ABR: variants seen among roughly 807,000 people sequenced by gnomAD.
ABR encodes ABR activator of RhoGEF and GTPase, also known as active breakpoint cluster region-related protein.
A neutral mutation model predicts 107.2 loss-of-function variants in ABR; 35 were observed. The observed-to-expected ratio is 0.33, with a 90% CI of 0.25 to 0.43. The LOEUF (loss-of-function observed/expected upper bound fraction) is 0.43. Ranked by LOEUF, ABR falls within the 20% of genes least tolerant of loss-of-function variation. ABR has a pLI of 1.00. For synonymous variants in ABR, 498 were observed against 462.0 expected (o/e 1.08, Z -1.00); for missense variants, 815 against 1,115.2 (o/e 0.73, Z 3.83).
intron 4 of ABR, among the ~76,000 whole-genome samples, chr17:1,087,281 T>A (rs1322046478): frequency 6.6e-6 from 1 of 152,118 alleles, no homozygotes; most frequent in Non-Finnish European, 1.5e-5. Context: ...AGGATCCTCA[T>A]GCTCCCCAAG....
chr17:1,135,215 G>C (rs2040006133), intron 1 of ABR, among the ~76,000 whole-genome samples: 1 of 152,176 alleles, frequency 6.6e-6, no homozygotes, highest in African/African-American at 2.4e-5. Flanking sequence ...CCGTGCTGGA[G>C]AGGAGGCAGG....
chr17:1,151,525 C>T (rs1248317476), intron 1 of ABR, among the ~76,000 whole-genome samples: 1 of 152,132 alleles, frequency 6.6e-6, no homozygotes, highest in African/African-American at 2.4e-5. Flanking sequence ...CAAAGGGCCT[C>T]GGTCAGCCAC....
upstream of ABR, among the ~76,000 whole-genome samples, chr17:1,188,546 T>G (rs2042364021): frequency 1.5e-5 from 1 of 66,558 alleles, no homozygotes; most frequent in Non-Finnish European, 3.9e-5. Flanking sequence ...GGAGACTCCG[T>G]CTCAAAAAAA....
rs2037802549 is a variant in ABR, at chr17:1,100,667, G to T, written c.315C>A (p.Ile105=). ...ACAGGGCTTCCAGCTGGTTAATGTAGATCTCTTCGCTGGCCAAGAACCCCG... is the reference window on the plus strand; with the variant it reads ...ACAGGGCTTCCAGCTGGTTAATGTATATCTCTTCGCTGGCCAAGAACCCCG... ...VLSGFLASEE[I]YINQLEALLL... Residue 105 remains isoleucine, a synonymous_variant, in exon 3 of 23, where the codon ATC becomes ATA. Coordinates refer to ENST00000302538, the MANE Select transcript of ABR (RefSeq NM_021962.5). 1 of 1,614,054 alleles carries T rather than the reference G, an allele frequency of 6.2e-7. No homozygotes were observed. The highest frequency in any genetic ancestry group is 1.3e-5 in the African/African-American group (1 of 74,950).
intron 2 of ABR, among the ~76,000 whole-genome samples, chr17:1,114,355 A>G (rs1169786551): frequency 6.6e-6 from 1 of 151,880 alleles, no homozygotes; most frequent in Non-Finnish European, 1.5e-5. Flanking sequence ...CTGTAATCCC[A>G]GCTACTCTGG....
At chr17:1,144,258 C>T (rs1038873466) in intron 1 of ABR, among the ~76,000 whole-genome samples, 3 of 152,140 alleles carry the variant, frequency 2.0e-5, no homozygotes, top group Admixed American at 1.3e-4. Context: ...CGAAAGCTGA[C>T]GGCATGTGTA....
At chr17:1,139,081 A>G (rs1006468425) in intron 1 of ABR, among the ~76,000 whole-genome samples, 33 of 151,900 alleles carry the variant, frequency 2.2e-4, no homozygotes, top group Non-Finnish European at 1.0e-4. Context: ...TTAGGAAGCC[A>G]GGGAAAGGAG....
intron 9 of ABR, among the ~76,000 whole-genome samples, chr17:1,069,381 C>T (rs761557078): frequency 1.4e-4 from 22 of 151,988 alleles, no homozygotes; most frequent in Non-Finnish European, 2.5e-4. Context: ...AGGAAAAAAC[C>T]GGCCAGGCGC....
chr17:1,012,883 G>C (rs1299908561), intron 17 of ABR, 86 bp from the exon 18 acceptor site: 1 of 1,204,970 alleles, frequency 8.3e-7, no homozygotes, highest in East Asian at 2.5e-5. Context: ...CCCTCCCCAA[G>C]ACTGCAAATG....
intron 3 of ABR, among the ~76,000 whole-genome samples, chr17:1,096,723 G>T (rs553108874): frequency 6.6e-6 from 1 of 151,150 alleles, no homozygotes; most frequent in Non-Finnish European, 1.5e-5. Context: ...GGGAAGGGGG[G>T]GAACCTGCCC....
At chr17:1,049,889 G>T in intron 16 of ABR, 161 bp downstream of exon 16, 1 of 999,658 alleles carries the variant, frequency 1.0e-6, no homozygotes, top group Non-Finnish European at 1.5e-6. Context: ...ACAACAGGCA[G>T]CCACCTCTAG....
At chr17:1,016,859 G>A (rs2071206526) in intron 16 of ABR, among the ~76,000 whole-genome samples, 1 of 152,128 alleles carries the variant, frequency 6.6e-6, no homozygotes, top group Non-Finnish European at 1.5e-5. Context: ...TCTGAGGTGT[G>A]CGTGCCACGG....
At chr17:1,057,579 C>T (rs145627121) in intron 12 of ABR, among the ~76,000 whole-genome samples, 303 of 150,042 alleles carry the variant, frequency 2.0e-3, no homozygotes, top group African/African-American at 6.9e-3. Context: ...GGTTTCACCA[C>T]GTTGCCCAGG....
At chr17:1,173,302 G>GCCCACCCCCCCCA (rs2151606544) in intron 1 of ABR, among the ~76,000 whole-genome samples, 3 of 117,822 alleles carry the variant, frequency 2.5e-5, no homozygotes, top group Non-Finnish European at 5.6e-5. Flanking sequence ...CATCACCTCA[G>GCCCACCCCCCCCA]TCCACCCCCC....
At chr17:1,053,729 C>T (rs994776546) in intron 14 of ABR, among the ~76,000 whole-genome samples, 4 of 152,084 alleles carry the variant, frequency 2.6e-5, no homozygotes, top group Admixed American at 1.3e-4. Flanking sequence ...GCAGCTCAGC[C>T]GGCTCTGACA....
chr17:1,120,432 C>T lies in ABR; in HGVS notation c.246+4751G>A, dbSNP rs2039296706. Among the ~76,000 whole-genome samples, 3 of 152,124 alleles carry T rather than the reference C, an allele frequency of 2.0e-5. No homozygotes were observed. In the South Asian group the frequency reaches 6.2e-4, roughly 32 times the overall value. On this transcript the variant is annotated intron_variant, in intron 2 of 22. Transcript: ENST00000302538. ...GGGATTATAGGCACCTGCCACCACA[C>T]CCAGCTAATTTTTTGTGTATGTTTT... is the stretch of plus-strand genomic sequence containing the variant.
At chr17:1,226,768 A>G (rs934331557) in intron 1 of ABR, among the ~76,000 whole-genome samples, 1 of 144,192 alleles carries the variant, frequency 6.9e-6, no homozygotes, top group African/African-American at 2.7e-5. Flanking sequence ...GTGTGTGTGC[A>G]TGCATGTGAC....
intron 1 of ABR, among the ~76,000 whole-genome samples, chr17:1,201,307 C>G (rs1253347236): frequency 2.0e-5 from 3 of 152,150 alleles, no homozygotes; most frequent in Non-Finnish European, 2.9e-5. Context: ...TTGAACCTCT[C>G]TGAGCTTCAG....
intron 16 of ABR, among the ~76,000 whole-genome samples, chr17:1,018,294 G>T (rs112491006): frequency 6.6e-6 from 1 of 152,020 alleles, no homozygotes; most frequent in Non-Finnish European, 1.5e-5. Flanking sequence ...CGCCCACCTC[G>T]GCCTCCCAAA....
Sources: allele counts gnomAD v4.1 joint callset (sites outside exome capture counted in the v4.1 genomes callset), GRCh38; gene constraint gnomAD v4.1.1; transcripts MANE v1.5; gene names NCBI Gene and HGNC (gene_info 2026-07-23, HGNC 2026-07-21).